PREX1: variants seen among roughly 807,000 people sequenced by gnomAD.
The protein encoded by PREX1 is phosphatidylinositol 3,4,5-trisphosphate-dependent Rac exchanger 1 protein.
In PREX1, 41 loss-of-function variants were observed where a neutral mutation model predicts 198.3. The ratio of observed to expected loss-of-function variants is 0.21; its 90% CI spans 0.16 to 0.27. The LOEUF is 0.27. PREX1 is among the 10% of genes least tolerant of loss of function. PREX1 has a pLI of 1.00. For synonymous variants in PREX1, 843 were observed against 887.2 expected, an observed-to-expected ratio of 0.95 and a Z score of 0.89; for missense variants, 1,620 against 2,200.7, an observed-to-expected ratio of 0.74 and a Z score of 5.28.
intron 1 of PREX1, among the ~76,000 whole-genome samples, chr20:48,754,329 C>T (rs6090902): frequency 0.35 from 53,503 of 152,004 alleles, 10,356 homozygotes; most frequent in Non-Finnish European, 0.43. Flanking sequence ...ACACGGCTGG[C>T]AAGTGAAGGA....
chr20:48,885,250 G>A, the PREX1 span, among the ~76,000 whole-genome samples: 7 of 152,288 alleles, frequency 4.6e-5, no homozygotes, highest in East Asian at 1.9e-4. Flanking sequence ...TTTCACTGTC[G>A]TAGGTCCAGC....
chr20:48,857,588 G>A, the PREX1 span, among the ~76,000 whole-genome samples: 2 of 151,990 alleles, frequency 1.3e-5, no homozygotes, highest in East Asian at 3.9e-4. Context: ...GGCAAATAGC[G>A]AAACCCTCGC....
chr20:48,861,202 A>G, the PREX1 span, among the ~76,000 whole-genome samples: 5 of 152,178 alleles, frequency 3.3e-5, no homozygotes, highest in Admixed American at 2.6e-4. Flanking sequence ...ACAGCATCAC[A>G]GTGAAAGGAG....
intron 9 of PREX1, among the ~76,000 whole-genome samples, chr20:48,689,192 A>G (rs1275199033): frequency 6.6e-6 from 1 of 152,154 alleles, no homozygotes; most frequent in Non-Finnish European, 1.5e-5. Context: ...CAGTATCTCC[A>G]TTCCAGCCCA....
chr20:48,714,388 G>A (rs987847598), intron 5 of PREX1, among the ~76,000 whole-genome samples: 1 of 152,128 alleles, frequency 6.6e-6, no homozygotes, highest in Admixed American at 6.5e-5. Flanking sequence ...CTTGTACCCA[G>A]AATATGTAAA....
intron 30 of PREX1, among the ~76,000 whole-genome samples, chr20:48,638,005 C>T (rs1568794246): frequency 6.6e-6 from 1 of 152,170 alleles, no homozygotes; most frequent in South Asian, 2.1e-4. Context: ...CAGATGGAAC[C>T]AGCCCCTTTA....
At chr20:48,882,475 C>G in the PREX1 span, among the ~76,000 whole-genome samples, 1 of 117,132 alleles carries the variant, frequency 8.5e-6, no homozygotes, top group East Asian at 2.5e-4. Context: ...GCACTCAAGC[C>G]TGGGCAACAC....
In PREX1 at chr20:48,684,539, T is replaced by C. The variant is rs1265177280; in HGVS notation, c.1335-3204A>G. Among the ~76,000 whole-genome samples, 1 of 152,170 alleles carries C rather than the reference T, an allele frequency of 6.6e-6. No homozygotes were observed. Among genetic ancestry groups the C allele is most frequent in the African/African-American group, 2.4e-5 (1 of 41,436 alleles). ...GGCAGACGTCCATAACTGAACAGCA[T>C]CTAATCTCTGCCAAGGGTGAAACCC... is the stretch of plus-strand genomic sequence containing the variant. On this transcript the variant is annotated intron_variant, in intron 10 of 39. Coordinates refer to ENST00000371941, the MANE Select transcript of PREX1 (RefSeq NM_020820.4). This position sits in a 1 kb window ranked among gnomAD's most constrained non-coding sequence, Gnocchi z 4.2.
chr20:48,635,145 C>T (rs1402701997), intron 32 of PREX1, among the ~76,000 whole-genome samples: 2 of 152,148 alleles, frequency 1.3e-5, no homozygotes, highest in African/African-American at 4.8e-5. Flanking sequence ...CAAATAGCAC[C>T]AGCGTTCATT....
In PREX1 at chr20:48,700,902, G is replaced by C; in HGVS notation, c.784-16C>G. 6.2e-7 allele frequency: 1 copy of C among 1,614,038 alleles called. No homozygotes were observed. Among genetic ancestry groups the C allele is most frequent in the Non-Finnish European group, 8.5e-7 (1 of 1,179,932 alleles). On this transcript the variant is annotated splice_polypyrimidine_tract_variant and intron_variant, in intron 6 of 39. Transcript: ENST00000371941. Reference sequence around the variant, plus strand: ...GGTTGGAACCCTGGAAGCGCAATGAGGACACAGTGAATGAGCCAACCCAGG... The same window carrying C: ...GGTTGGAACCCTGGAAGCGCAATGACGACACAGTGAATGAGCCAACCCAGG...
At chr20:48,818,686 T>C (rs1230832379) in intron 1 of PREX1, among the ~76,000 whole-genome samples, 11 of 152,184 alleles carry the variant, frequency 7.2e-5, no homozygotes, top group African/African-American at 2.7e-4. Context: ...TAATAGACAG[T>C]AAAGTGCTGT....
intron 14 of PREX1, among the ~76,000 whole-genome samples, chr20:48,669,096 G>A (rs1250272804): frequency 5.3e-5 from 8 of 151,842 alleles, no homozygotes; most frequent in South Asian, 4.2e-4. Context: ...AGAGGAAGCC[G>A]CCACACACGA....
intron 25 of PREX1, among the ~76,000 whole-genome samples, chr20:48,647,294 G>A (rs760552662): frequency 4.6e-5 from 7 of 152,054 alleles, no homozygotes; most frequent in Non-Finnish European, 7.4e-5. Context: ...AGGCCAAGGC[G>A]GGTGGGTCAC....
chr20:48,832,540 G>C (rs564192526), upstream of PREX1, among the ~76,000 whole-genome samples: 20 of 152,318 alleles, frequency 1.3e-4, no homozygotes, highest in Non-Finnish European at 2.6e-4. Context: ...CAGCAGCCCA[G>C]AGCAGGGCTG....
chr20:48,709,546 C>T (rs1027875918), intron 5 of PREX1, among the ~76,000 whole-genome samples: 1 of 152,182 alleles, frequency 6.6e-6, no homozygotes, highest in Non-Finnish European at 1.5e-5. Flanking sequence ...ACTGAGCCTT[C>T]GCCCCACGGT....
chr20:48,809,349 G>A (rs1427807506), intron 1 of PREX1, among the ~76,000 whole-genome samples: 1 of 152,212 alleles, frequency 6.6e-6, no homozygotes, highest in Non-Finnish European at 1.5e-5. Flanking sequence ...CAGGGGAGAA[G>A]AGATGCTCCC....
chr20:48,801,755 G>C (rs1454107714), intron 1 of PREX1, among the ~76,000 whole-genome samples: 1 of 152,214 alleles, frequency 6.6e-6, no homozygotes, highest in Non-Finnish European at 1.5e-5. Context: ...CTGGTCCCCA[G>C]TGAGGCGATG....
intron 33 of PREX1, among the ~76,000 whole-genome samples, chr20:48,634,270 G>A (rs1181831240): frequency 5.3e-5 from 8 of 152,178 alleles, no homozygotes; most frequent in Non-Finnish European, 2.9e-5. Flanking sequence ...GAAAGAAAAA[G>A]GGAGAAAGGG....
At position 48,824,916 on chromosome 20, in the gene PREX1, G is replaced by A. The variant is rs532818927; in HGVS notation, c.219+2726C>T. ...ACCAAGGACACACGGAGACCAGGGTGGTCCTTTAAGGCCTGCCTCTAACCA... is the reference window on the plus strand; with the variant it reads ...ACCAAGGACACACGGAGACCAGGGTAGTCCTTTAAGGCCTGCCTCTAACCA... On this transcript the variant is annotated intron_variant, in intron 1 of 39. Coordinates refer to ENST00000371941, the MANE Select transcript of PREX1 (RefSeq NM_020820.4). Among the ~76,000 whole-genome samples, 208 of 152,246 alleles carry A rather than the reference G, an allele frequency of 1.4e-3. 1 individual carries two copies. The highest frequency in any genetic ancestry group is 2.1e-3 in the Non-Finnish European group (142 of 68,018).
Sources: gnomAD v4.1 joint callset for allele counts (sites outside exome capture counted in the v4.1 genomes callset) on GRCh38, gnomAD v4.1.1 for gene constraint, Gnocchi (gnomAD v3.1) non-coding constraint, MANE v1.5 for transcripts, NCBI Gene and HGNC (gene_info 2026-07-23, HGNC 2026-07-21) for gene names.